Variants in LSMEM2 observed in about 807,000 individuals in gnomAD.
The protein encoded by LSMEM2 is leucine rich single-pass membrane protein 2, also known as leucine-rich single-pass membrane protein 2.
In LSMEM2, 20 loss-of-function variants were observed where a neutral mutation model predicts 17.3. The observed-to-expected ratio is 1.16, with a 90% CI of 0.81 to 1.68. LSMEM2 has a LOEUF of 1.68. LSMEM2 is among the 40% of genes most tolerant of loss of function. The probability of loss-of-function intolerance (pLI) is 0.00; values close to 1 mark genes in which losing one functional copy is unlikely to be tolerated. For synonymous variants in LSMEM2, 94 were observed against 97.8 expected, an observed-to-expected ratio of 0.96 and a Z score of 0.23; for missense variants, 207 against 214.3, an observed-to-expected ratio of 0.97 and a Z score of 0.21.
At chr3:50,283,575 C>T (rs1320186267) in intron 1 of LSMEM2, among the ~76,000 whole-genome samples, 5 of 146,040 alleles carry the variant, frequency 3.4e-5, no homozygotes, top group African/African-American at 7.7e-5. Flanking sequence ...TGCAGTGAGC[C>T]GAGATCGTGC....
Position 50,287,992 on chromosome 3 carries a change from G to T in LSMEM2, c.*790G>T. 1.7e-6 allele frequency: 1 copy of T among 589,796 alleles called. No homozygotes were observed. Among genetic ancestry groups the T allele is most frequent in the Non-Finnish European group, 3.1e-6 (1 of 327,172 alleles). The allele number at this position is 589,796 out of a possible 1,614,324, so 36.5% of individuals were successfully genotyped here. Reference sequence around the variant, plus strand: ...CTGGCCTGAGACAGGACAGGAAGGGGCCACAGGGCTGAGTGCAGGGACAAA... The same window carrying T: ...CTGGCCTGAGACAGGACAGGAAGGGTCCACAGGGCTGAGTGCAGGGACAAA... On this transcript the variant is annotated 3_prime_UTR_variant, in exon 4 of 4. Coordinates refer to ENST00000316436, the MANE Select transcript of LSMEM2 (RefSeq NM_153215.3).
Position 50,286,578 on chromosome 3 carries a change from A to G in LSMEM2, c.166A>G (p.Ser56Gly). 6.2e-7 allele frequency: 1 copy of G among 1,611,878 alleles called. No individual in the cohort carries two copies. Among genetic ancestry groups the G allele is most frequent in the African/African-American group, 1.3e-5 (1 of 75,022 alleles). Residue 56 changes from serine (S) to glycine (G), a missense_variant, in exon 2 of 4, where the codon AGT becomes GGT. Physicochemically the swap from Ser to Gly is moderately conservative, Grantham distance 56. Transcript: ENST00000316436. ...HQVESISDLH[S>G]GAGTLRPYLT... ...GGTGGAGTCCATCAGCGACCTACAT[A>G]GTGGAGGTGAGTGGGGACAGTGGGG...
At chr3:50,284,178 C>T in intron 1 of LSMEM2, among the ~76,000 whole-genome samples, 1 of 145,130 alleles carries the variant, frequency 6.9e-6, no homozygotes, top group East Asian at 2.1e-4. Flanking sequence ...TGCACTCCAG[C>T]CTGGGCAACA....
In LSMEM2 at chr3:50,287,299, T is replaced by A. The variant is rs1386796351; in HGVS notation, c.*97T>A. The A allele has an allele frequency of 5.4e-6, 8 of 1,482,672 alleles. No homozygotes were observed. In the Admixed American group the frequency reaches 1.2e-4, roughly 23 times the overall value. The allele number at this position is 1,482,672 out of a possible 1,614,324, so 91.8% of individuals were successfully genotyped here. A position where few individuals can be genotyped will look rare whatever the true frequency, so the allele number is the denominator to read the frequency against. On this transcript the variant is annotated 3_prime_UTR_variant, in exon 4 of 4. Coordinates refer to ENST00000316436, the MANE Select transcript of LSMEM2 (RefSeq NM_153215.3). ...CTTCCCTACTGCTGGCTGCCACATCTACACTATTTCCTTGGTGAGATTTTT... is the reference window on the plus strand; with the variant it reads ...CTTCCCTACTGCTGGCTGCCACATCAACACTATTTCCTTGGTGAGATTTTT...
chr3:50,284,143 T>C (rs1575484501), intron 1 of LSMEM2, among the ~76,000 whole-genome samples: 1 of 145,526 alleles, frequency 6.9e-6, no homozygotes, highest in East Asian at 2.1e-4. Flanking sequence ...GAGGTGGAGG[T>C]TGCAGTGAGC....
chr3:50,279,823 A>T (rs1227480507), intron 1 of LSMEM2, among the ~76,000 whole-genome samples: 1 of 151,630 alleles, frequency 6.6e-6, no homozygotes, highest in East Asian at 1.9e-4. Flanking sequence ...GCTCCATGTT[A>T]TGGCCCATGA....
chr3:50,282,620 C>G (rs781976879), intron 1 of LSMEM2, among the ~76,000 whole-genome samples: 53 of 152,210 alleles, frequency 3.5e-4, no homozygotes, highest in Non-Finnish European at 6.3e-4. Flanking sequence ...TACGGTGGCT[C>G]ATGCCTGTAA....
chr3:50,286,857 T>G lies in LSMEM2; in HGVS notation c.356T>G (p.Leu119Arg), dbSNP rs587637726. Residue 119 changes from leucine to arginine, a missense_variant, in exon 3 of 4, where the codon CTG (leucine) becomes CGG (arginine). Coordinates refer to ENST00000316436, the MANE Select transcript of LSMEM2 (RefSeq NM_153215.3). Reference sequence around the variant, plus strand: ...GTGCTCGCACTCCTGGCTGTCTACCTGAGCGGTATGGACGCATAGGGTGCT... The same window carrying G: ...GTGCTCGCACTCCTGGCTGTCTACCGGAGCGGTATGGACGCATAGGGTGCT... ...CLVLALLAVYLSVLQSESLRI... is the reference protein window; with the variant it reads ...CLVLALLAVYRSVLQSESLRI... 130 of 1,613,688 alleles carry G rather than the reference T, an allele frequency of 8.1e-5. 2 individuals carry two copies. The South Asian group carries it at 1.3e-3, about 16-fold the overall frequency.
In LSMEM2 at chr3:50,283,250, G is replaced by T. The variant is rs4688737; in HGVS notation, c.59-3221G>T. ...CTCACGCCTATAATCCCAGCACTTT[G>T]GGAGGCTGAGGCGGGTGGATTACCT... On this transcript the variant is annotated intron_variant, in intron 1 of 3. Coordinates refer to ENST00000316436, the MANE Select transcript of LSMEM2 (RefSeq NM_153215.3). Among the ~76,000 whole-genome samples, 500 of 152,256 alleles carry T rather than the reference G, an allele frequency of 3.3e-3. 11 individuals carry two copies. The highest frequency in any genetic ancestry group is 0.028 in the Admixed American group (424 of 15,262).
chr3:50,280,891 C>T (rs1701380652), intron 1 of LSMEM2, among the ~76,000 whole-genome samples: 1 of 152,112 alleles, frequency 6.6e-6, no homozygotes, highest in Non-Finnish European at 1.5e-5. Flanking sequence ...CCGCGCCCGG[C>T]CAGCCACCTT....
At chr3:50,285,646 C>A (rs759930795) in intron 1 of LSMEM2, among the ~76,000 whole-genome samples, 1 of 147,888 alleles carries the variant, frequency 6.8e-6, no homozygotes, top group African/African-American at 2.7e-5. Flanking sequence ...TCTCAAAAAA[C>A]AAACAAACAA....
chr3:50,286,491 CCCAG>C lies in LSMEM2; in HGVS notation c.84_87del (p.Ser28ArgfsTer37). The C allele has an allele frequency of 6.2e-7, 1 of 1,607,564 alleles. No homozygotes were observed. The highest frequency in any genetic ancestry group is 8.5e-7 in the Non-Finnish European group (1 of 1,177,860). On this transcript the variant is annotated frameshift_variant, in exon 2 of 4. Coordinates refer to ENST00000316436, the MANE Select transcript of LSMEM2 (RefSeq NM_153215.3). LOFTEE classifies it high-confidence loss of function. ...TGCAGACTCCGTGGCGCCAATGATG[CCCAG>C]CCAGAGGAGCAGGGGGCCATTGGCC... is the stretch of plus-strand genomic sequence containing the variant.
intron 1 of LSMEM2, among the ~76,000 whole-genome samples, chr3:50,283,507 G>A (rs1168135818): frequency 2.0e-5 from 3 of 151,470 alleles, no homozygotes; most frequent in Non-Finnish European, 4.4e-5. Flanking sequence ...GACGCCTGTA[G>A]TCCCAGCTAC....
At chr3:50,282,730 C>T (rs1280835875) in intron 1 of LSMEM2, among the ~76,000 whole-genome samples, 1 of 151,766 alleles carries the variant, frequency 6.6e-6, no homozygotes, top group East Asian at 1.9e-4. Context: ...ACTAAAAATG[C>T]AAAAATTAGC....
intron 2 of LSMEM2, 32 bp downstream of exon 2, chr3:50,286,616 T>C (rs1701543390): frequency 6.2e-7 from 1 of 1,611,264 alleles, no homozygotes; most frequent in Non-Finnish European, 8.5e-7. Flanking sequence ...GATGATGTGC[T>C]GGGGGAGGGG....
At chr3:50,282,604 G>T (rs1553707900) in intron 1 of LSMEM2, among the ~76,000 whole-genome samples, 3 of 152,184 alleles carry the variant, frequency 2.0e-5, no homozygotes, top group African/African-American at 4.8e-5. Flanking sequence ...TTAAATATTG[G>T]CCAGGTACGG....
At chr3:50,282,841 G>A (rs1354242794) in intron 1 of LSMEM2, among the ~76,000 whole-genome samples, 1 of 151,636 alleles carries the variant, frequency 6.6e-6, no homozygotes. Flanking sequence ...CTGAGATCAT[G>A]CCACTGTACT....
chr3:50,279,611 G>A (rs1471775699), intron 1 of LSMEM2, among the ~76,000 whole-genome samples: 2 of 152,208 alleles, frequency 1.3e-5, no homozygotes, highest in African/African-American at 4.8e-5. Context: ...CCTGACTTGG[G>A]TCTAAATATC....
At chr3:50,280,752 C>G (rs1436129978) in intron 1 of LSMEM2, among the ~76,000 whole-genome samples, 1 of 151,904 alleles carries the variant, frequency 6.6e-6, no homozygotes, top group Non-Finnish European at 1.5e-5. Flanking sequence ...CGCCACTACG[C>G]CTGGCTAATT....
Sources: allele counts gnomAD v4.1 joint callset (sites outside exome capture counted in the v4.1 genomes callset), GRCh38; gene constraint gnomAD v4.1.1; transcripts MANE v1.5; gene names NCBI Gene and HGNC (gene_info 2026-07-23, HGNC 2026-07-21).